The following CATSPERB variants were observed in gnomAD, a reference collection of about 807,000 sequenced individuals.
CATSPERB encodes the protein catsper channel auxiliary subunit beta, also known as cation channel sperm-associated auxiliary subunit beta.
A neutral mutation model predicts 128.3 loss-of-function variants in CATSPERB; 93 were observed. That is an observed-to-expected ratio of 0.72 (90% CI 0.61 to 0.86). CATSPERB has a LOEUF of 0.86. Ranked by LOEUF, CATSPERB falls within the 40% of genes least tolerant of loss-of-function variation. CATSPERB has a pLI of 0.00. For missense variants in CATSPERB, 1,153 were observed against 1,329.5 expected (o/e 0.87, Z 2.06); for synonymous variants, 381 against 448.8 (o/e 0.85, Z 1.91).
At chr14:91,618,487 T>C (rs1278848733) in intron 19 of CATSPERB, among the ~76,000 whole-genome samples, 1 of 152,200 alleles carries the variant, frequency 6.6e-6, no homozygotes, top group Admixed American at 6.5e-5. Context: ...AGAGAAATGT[T>C]TCCCTCATTC....
At chr14:91,717,052 A>T (rs1419774949) in intron 5 of CATSPERB, among the ~76,000 whole-genome samples, 4 of 152,246 alleles carry the variant, frequency 2.6e-5, no homozygotes, top group Non-Finnish European at 4.4e-5. Context: ...CTACCCAACA[A>T]GAACACTAGA....
chr14:91,622,872 T>C (rs1449992604), intron 18 of CATSPERB, among the ~76,000 whole-genome samples: 1 of 151,414 alleles, frequency 6.6e-6, no homozygotes, highest in African/African-American at 2.4e-5. Context: ...GCCAACAGCT[T>C]TTTGTCAAAG....
At chr14:91,711,184 A>T (rs1266228141) in intron 5 of CATSPERB, among the ~76,000 whole-genome samples, 1 of 152,062 alleles carries the variant, frequency 6.6e-6, no homozygotes, top group African/African-American at 2.4e-5. Context: ...TTTCATCATG[A>T]GTTATGGGTA....
At chr14:91,648,374 C>T (rs532979959) in intron 15 of CATSPERB, among the ~76,000 whole-genome samples, 2 of 152,134 alleles carry the variant, frequency 1.3e-5, no homozygotes, top group Admixed American at 6.5e-5. Flanking sequence ...TAAGTCATCC[C>T]TAGGAAATTT....
At chr14:91,696,075 G>A (rs963339966) in intron 7 of CATSPERB, among the ~76,000 whole-genome samples, 5 of 152,190 alleles carry the variant, frequency 3.3e-5, no homozygotes, top group East Asian at 1.9e-4. Flanking sequence ...GAAGAAATGC[G>A]TAATAGACAA....
At chr14:91,721,848 TA>T (rs774942210) in intron 4 of CATSPERB, among the ~76,000 whole-genome samples, 1,202 of 112,248 alleles carry the variant, frequency 0.011, 10 homozygotes, top group South Asian at 0.024. Flanking sequence ...AGACTCTGTC[TA>T]AAAAAAAAAA....
At chr14:91,693,288 G>A in intron 8 of CATSPERB, 44 bp from the exon 9 acceptor site, 1 of 1,554,720 alleles carries the variant, frequency 6.4e-7, no homozygotes, top group Non-Finnish European at 8.9e-7. Flanking sequence ...TAAGAAAAAA[G>A]TGAGTTCCTT....
chr14:91,623,453 C>T (rs1228872077), intron 18 of CATSPERB, among the ~76,000 whole-genome samples: 2 of 152,144 alleles, frequency 1.3e-5, no homozygotes, highest in African/African-American at 4.8e-5. Context: ...CACTCATTTT[C>T]CAGGTGTTCT....
intron 23 of CATSPERB, among the ~76,000 whole-genome samples, chr14:91,589,969 T>C (rs539653210): frequency 2.8e-4 from 43 of 152,308 alleles, no homozygotes; most frequent in African/African-American, 1.0e-3. Flanking sequence ...AGGCTGTGCA[T>C]AGATTGCTCA....
At chr14:91,610,000 C>T (rs1341241233) in intron 21 of CATSPERB, among the ~76,000 whole-genome samples, 2 of 152,160 alleles carry the variant, frequency 1.3e-5, no homozygotes, top group African/African-American at 4.8e-5. Flanking sequence ...GGATTACAGG[C>T]GTGAGCCACC....
chr14:91,636,207 A>T, intron 17 of CATSPERB: 2 of 472,978 alleles, frequency 4.2e-6, no homozygotes, highest in Admixed American at 6.8e-5. Context: ...TACAAAAAAT[A>T]CAAAACTTAG....
chr14:91,654,304 TG>T (rs1330740347), intron 15 of CATSPERB, among the ~76,000 whole-genome samples: 1 of 152,186 alleles, frequency 6.6e-6, no homozygotes, highest in Non-Finnish European at 1.5e-5. Flanking sequence ...AGTGGGCTCC[TG>T]GGGTCTCTGA....
At chr14:91,687,812 G>A (rs921352206) in intron 10 of CATSPERB, among the ~76,000 whole-genome samples, 1 of 151,958 alleles carries the variant, frequency 6.6e-6, no homozygotes. Context: ...AAAATTAGCT[G>A]AGCGTGGTAG....
In CATSPERB at chr14:91,589,647, A is replaced by C. The variant is rs1893362565; in HGVS notation, c.2843T>G (p.Ile948Ser). Reference protein sequence around the residue: ...REKVPRFKFPITQYPVSLEII... With the variant: ...REKVPRFKFPSTQYPVSLEII... ...TTCCAAAGAAACTGGATATTGTGTAATTGGAAACTTAAAGCGAGGAACCTA... is the reference window on the plus strand; with the variant it reads ...TTCCAAAGAAACTGGATATTGTGTACTTGGAAACTTAAAGCGAGGAACCTA... Residue 948 changes from isoleucine to serine, a missense_variant, in exon 24 of 27, where the codon ATT becomes AGT. Coordinates refer to ENST00000256343, the MANE Select transcript of CATSPERB (RefSeq NM_024764.4). The C allele has an allele frequency of 6.2e-7, 1 of 1,613,482 alleles. No individual in the cohort carries two copies. The highest frequency in any genetic ancestry group is 1.3e-5 in the African/African-American group (1 of 74,934).
chr14:91,615,625 T>G (rs1202859257), intron 20 of CATSPERB, among the ~76,000 whole-genome samples: 1 of 152,248 alleles, frequency 6.6e-6, no homozygotes, highest in Non-Finnish European at 1.5e-5. Flanking sequence ...TCACAGACTT[T>G]CCTTCTTTTA....
chr14:91,623,906 A>C (rs1894101928), intron 18 of CATSPERB, among the ~76,000 whole-genome samples: 1 of 152,232 alleles, frequency 6.6e-6, no homozygotes, highest in Non-Finnish European at 1.5e-5. Context: ...TATTTTGTTA[A>C]AGTGAGGCAA....
At chr14:91,672,094 G>A (rs1895105855) in intron 13 of CATSPERB, among the ~76,000 whole-genome samples, 1 of 152,028 alleles carries the variant, frequency 6.6e-6, no homozygotes, top group Non-Finnish European at 1.5e-5. Flanking sequence ...CCTCATCACT[G>A]AGTTTCCCAT....
At chr14:91,600,749 C>T (rs1338799930) in intron 22 of CATSPERB, among the ~76,000 whole-genome samples, 2 of 152,180 alleles carry the variant, frequency 1.3e-5, no homozygotes, top group Non-Finnish European at 2.9e-5. Context: ...TATACTTTAA[C>T]ATGGTAAAAA....
intron 20 of CATSPERB, among the ~76,000 whole-genome samples, chr14:91,615,036 T>G (rs1298267238): frequency 1.3e-5 from 2 of 152,302 alleles, no homozygotes; most frequent in Middle Eastern, 3.4e-3. Flanking sequence ...TTCACCATAC[T>G]GTGCAATAGA....
Sources: allele counts gnomAD v4.1 joint callset (sites outside exome capture counted in the v4.1 genomes callset), GRCh38; gene constraint gnomAD v4.1.1; transcripts MANE v1.5; gene names NCBI Gene and HGNC (gene_info 2026-07-23, HGNC 2026-07-21).